PLSCR4: variants seen among roughly 807,000 people sequenced by gnomAD.
The protein encoded by PLSCR4 is Ca(2+)-dependent phospholipid scramblase 4.
Under a neutral mutation model 36.3 loss-of-function variants are expected in PLSCR4, and 25 were observed. The observed-to-expected ratio is 0.69, with a 90% confidence interval of 0.50 to 0.96. The LOEUF is 0.96. PLSCR4 is among the 40% of genes least tolerant of loss of function. PLSCR4 has a pLI of 0.00. For missense variants in PLSCR4, 408 were observed against 414.7 expected (o/e 0.98, Z 0.14); for synonymous variants, 122 against 132.9 (o/e 0.92, Z 0.56).
At chr3:146,237,057 AAGAG>A (rs924153719) in intron 1 of PLSCR4, among the ~76,000 whole-genome samples, 2 of 148,486 alleles carry the variant, frequency 1.3e-5, no homozygotes, top group African/African-American at 5.3e-5. Context: ...AAAGAAAAAA[AAGAG>A]AGAAAACATG....
chr3:146,207,243 A>G (rs547633258), intron 3 of PLSCR4, among the ~76,000 whole-genome samples: 94 of 152,196 alleles, frequency 6.2e-4, no homozygotes, highest in African/African-American at 2.2e-3. Context: ...AGTGCTTTTA[A>G]TGAATATTTT....
Position 146,201,048 on chromosome 3 carries a change from A to G in PLSCR4, c.384T>C (p.Phe128=), listed in dbSNP as rs141058715. 7.1e-6 allele frequency: 11 copies of G among 1,558,626 alleles called. No individual in the cohort carries two copies. The highest frequency in any genetic ancestry group is 9.5e-6 in the Non-Finnish European group (11 of 1,159,426). Residue 128 remains phenylalanine, a synonymous_variant, in exon 5 of 9, where the codon TTT becomes TTC. Transcript: ENST00000354952. ...AATTATACATACTTTCCAGAGGCTC[A>G]AAATGCTGAAGAACATGTATGTTGT... is the stretch of plus-strand genomic sequence containing the variant. ...QLDNIHVLQH[F]EPLEMMTCFE...
intron 3 of PLSCR4, among the ~76,000 whole-genome samples, chr3:146,211,011 G>A (rs897397617): frequency 4.6e-5 from 7 of 151,910 alleles, no homozygotes; most frequent in African/African-American, 1.7e-4. Context: ...TTCACTCTGG[G>A]CTATTATAAA....
rs140168312 is a variant in PLSCR4, at chr3:146,225,572, G to A, written c.-21-3480C>T. Among the ~76,000 whole-genome samples, 709 of 152,302 alleles carry A rather than the reference G, an allele frequency of 4.7e-3. 4 individuals are homozygous for A. The highest frequency in any genetic ancestry group is 0.014 in the African/African-American group (592 of 41,576). ...TGGCAGGCAGCAGGTCCCGAGCCCCGCCCCGCAGGAAGGCAGCTAAGGCTT... is the reference window on the plus strand; with the variant it reads ...TGGCAGGCAGCAGGTCCCGAGCCCCACCCCGCAGGAAGGCAGCTAAGGCTT... On this transcript the variant is annotated intron_variant, in intron 1 of 8. Coordinates refer to ENST00000354952, the MANE Select transcript of PLSCR4 (RefSeq NM_020353.3).
In PLSCR4 at chr3:146,193,634, T is replaced by C. The variant is rs146294048; in HGVS notation, c.*777A>G. The C allele has an allele frequency of 3.3e-5, 5 of 152,298 alleles. No individual in the cohort carries two copies. Among genetic ancestry groups the C allele is most frequent in the Non-Finnish European group, 7.4e-5 (5 of 68,016 alleles). The allele number at this position is 152,298 out of a possible 1,614,324, so 9.4% of individuals were successfully genotyped here. A position where few individuals can be genotyped will look rare whatever the true frequency, so the allele number is the denominator to read the frequency against. ...ATAAATGTATTAAATGCAAGCTTCA[T>C]ATAATGACACCAATGTCTCTAAGTT... On this transcript the variant is annotated 3_prime_UTR_variant, in exon 9 of 9. Coordinates refer to ENST00000354952, the MANE Select transcript of PLSCR4 (RefSeq NM_020353.3).
intron 1 of PLSCR4, among the ~76,000 whole-genome samples, chr3:146,233,152 A>G (rs751867300): frequency 5.3e-5 from 8 of 152,216 alleles, no homozygotes; most frequent in Middle Eastern, 3.4e-3. Flanking sequence ...AAATTTTGTC[A>G]TTTTTGCATT....
intron 1 of PLSCR4, among the ~76,000 whole-genome samples, chr3:146,232,238 C>T (rs1196245648): frequency 6.6e-6 from 1 of 152,104 alleles, no homozygotes; most frequent in African/African-American, 2.4e-5. Context: ...GTTTTAGTTA[C>T]TGTGGCTTTA....
chr3:146,200,397 G>A (rs1428990797), intron 5 of PLSCR4, among the ~76,000 whole-genome samples: 8 of 151,896 alleles, frequency 5.3e-5, no homozygotes, highest in Admixed American at 2.0e-4. Context: ...ATCAGTTCAC[G>A]AAACATGCTT....
At chr3:146,242,063 G>A (rs906641907) in intron 1 of PLSCR4, among the ~76,000 whole-genome samples, 6 of 152,180 alleles carry the variant, frequency 3.9e-5, no homozygotes, top group African/African-American at 1.4e-4. Flanking sequence ...GCTGTCAACT[G>A]ATCAGACCAT....
At chr3:146,211,785 TC>T (rs1236893242) in intron 3 of PLSCR4, among the ~76,000 whole-genome samples, 6 of 152,162 alleles carry the variant, frequency 3.9e-5, no homozygotes, top group African/African-American at 1.4e-4. Flanking sequence ...TATTCATTTG[TC>T]TCAGATCCTT....
intron 8 of PLSCR4, 104 bp downstream of exon 8, chr3:146,195,020 G>T: frequency 1.1e-6 from 1 of 931,480 alleles, no homozygotes; most frequent in Non-Finnish European, 1.6e-6. Flanking sequence ...GTGGCACAGA[G>T]ATAAGTTGGA....
rs537845801 is a variant in PLSCR4, at chr3:146,203,003, C to T, written c.355-1926G>A. 1.6e-4 allele frequency among the ~76,000 whole-genome samples: 25 copies of T among 152,056 alleles called. 1 individual carries two copies. The South Asian group carries it at 5.0e-3, about 30-fold the overall frequency. On this transcript the variant is annotated intron_variant, in intron 4 of 8. Transcript: ENST00000354952. ...TTACTTCCTCCACTGAAATCTTGAACCCTTCAAAATCATCATAAAAGTGGC... is the reference window on the plus strand; with the variant it reads ...TTACTTCCTCCACTGAAATCTTGAATCCTTCAAAATCATCATAAAAGTGGC...
intron 3 of PLSCR4, among the ~76,000 whole-genome samples, chr3:146,212,601 G>C (rs1442886383): frequency 6.6e-6 from 1 of 151,840 alleles, no homozygotes; most frequent in Non-Finnish European, 1.5e-5. Flanking sequence ...AGGAGTACAG[G>C]AGTGTACCAC....
rs1477035209 is a variant in PLSCR4 at position 146,192,742 on chromosome 3, T to C, written c.*1669A>G. 2 of 151,982 alleles carry C rather than the reference T, an allele frequency of 1.3e-5. No homozygotes were observed. The highest frequency in any genetic ancestry group is 3.9e-4 in the East Asian group (2 of 5,192). The allele number at this position is 151,982 out of a possible 1,614,324, so 9.4% of individuals were successfully genotyped here. On this transcript the variant is annotated 3_prime_UTR_variant, in exon 9 of 9. Coordinates refer to ENST00000354952, the MANE Select transcript of PLSCR4 (RefSeq NM_020353.3). ...ATCAGACATCATTATAGGAAATACA[T>C]AGTCTACTTACGATTGCAATGGCAC...
intron 3 of PLSCR4, among the ~76,000 whole-genome samples, chr3:146,212,800 T>C (rs2034691452): frequency 6.6e-6 from 1 of 152,326 alleles, no homozygotes; most frequent in African/African-American, 2.4e-5. Flanking sequence ...TGATCTTAGA[T>C]GAAATGAACG....
At chr3:146,231,830 C>A (rs1402456972) in intron 1 of PLSCR4, among the ~76,000 whole-genome samples, 1 of 152,052 alleles carries the variant, frequency 6.6e-6, no homozygotes, top group Non-Finnish European at 1.5e-5. Context: ...TTGATAGTTT[C>A]TTTTACTCTG....
chr3:146,224,213 G>C (rs2035325055), intron 1 of PLSCR4, among the ~76,000 whole-genome samples: 1 of 152,076 alleles, frequency 6.6e-6, no homozygotes, highest in Non-Finnish European at 1.5e-5. Context: ...ATGAAAACTT[G>C]CCTAATGTCC....
intron 3 of PLSCR4, among the ~76,000 whole-genome samples, chr3:146,207,258 T>G (rs906609978): frequency 5.3e-5 from 8 of 152,164 alleles, no homozygotes; most frequent in African/African-American, 1.4e-4. Context: ...TATTTTAGGT[T>G]GCCTTGACCC....
rs938164 is a variant in PLSCR4, at chr3:146,248,323, T to C, written c.-22+2637A>G. On this transcript the variant is annotated intron_variant, in intron 1 of 8. Transcript: ENST00000354952. Reference sequence around the variant, plus strand: ...TGTTCTGTATAAATTACTATCACTATCAATTTTTCCTTATACACACGCATA... The same window carrying C: ...TGTTCTGTATAAATTACTATCACTACCAATTTTTCCTTATACACACGCATA... Among the ~76,000 whole-genome samples the C allele has an allele frequency of 1.1e-4, 16 of 152,324 alleles. No individual in the cohort carries two copies. In the South Asian group the frequency reaches 2.5e-3, roughly 24 times the overall value.
Sources: allele counts gnomAD v4.1 joint callset (sites outside exome capture counted in the v4.1 genomes callset), GRCh38; gene constraint gnomAD v4.1.1; transcripts MANE v1.5; gene names NCBI Gene and HGNC (gene_info 2026-07-23, HGNC 2026-07-21).